Variants in BLNK observed in about 807,000 individuals in gnomAD.
The protein encoded by BLNK is B cell linker.
A neutral mutation model predicts 73.5 loss-of-function variants in BLNK; 29 were observed. That is an observed-to-expected ratio of 0.39 (90% CI 0.29 to 0.54). The LOEUF is 0.54. BLNK is among the 20% of genes least tolerant of loss of function. BLNK has a pLI of 0.61. For missense variants in BLNK, 460 were observed against 562.8 expected, an observed-to-expected ratio of 0.82 and a Z score of 1.85; for synonymous variants, 176 against 200.8, an observed-to-expected ratio of 0.88 and a Z score of 1.04.
chr10:96,202,993 C>A (rs1333206648), intron 13 of BLNK, among the ~76,000 whole-genome samples: 1 of 152,172 alleles, frequency 6.6e-6, no homozygotes, highest in Non-Finnish European at 1.5e-5. Context: ...CCTGCTGCTG[C>A]GCTGTATTTT....
In BLNK at chr10:96,215,328, T is replaced by C; in HGVS notation, c.669A>G (p.Thr223=). The C allele has an allele frequency of 1.2e-6, 2 of 1,614,094 alleles. No homozygotes were observed. The highest frequency in any genetic ancestry group is 8.5e-7 in the Non-Finnish European group (1 of 1,179,940). ...ATCACACATACACTTTACCTGAAGC[T>C]GTTCCTGGAGGAGAGGCGGGCGTTG... is the stretch of plus-strand genomic sequence containing the variant. ...NSSTPASPPG[T]ASGRNSGAWE... The change falls in exon 8 of 17, where the codon ACA becomes ACG. Residue 223 remains threonine, a synonymous_variant. Coordinates refer to ENST00000224337, the MANE Select transcript of BLNK (RefSeq NM_013314.4).
At chr10:96,238,960 T>C in intron 3 of BLNK, 1 of 395,136 alleles carries the variant, frequency 2.5e-6, no homozygotes, top group Non-Finnish European at 4.5e-6. Context: ...AAAATGTAAA[T>C]TCTGATCCAG....
intron 1 of BLNK, among the ~76,000 whole-genome samples, chr10:96,265,193 C>T (rs868960226): frequency 9.3e-5 from 14 of 150,500 alleles, no homozygotes; most frequent in African/African-American, 2.2e-4. Context: ...TATGTTGACC[C>T]GGCTGGTCTT....
chr10:96,217,855 C>A (rs2084104584), intron 6 of BLNK, among the ~76,000 whole-genome samples: 1 of 152,144 alleles, frequency 6.6e-6, no homozygotes, highest in Admixed American at 6.5e-5. Flanking sequence ...GATGTCATAT[C>A]CAAGAAACCA....
intron 3 of BLNK, among the ~76,000 whole-genome samples, chr10:96,231,879 C>T (rs1387505928): frequency 5.9e-5 from 9 of 152,204 alleles, no homozygotes; most frequent in Non-Finnish European, 1.2e-4. Flanking sequence ...TGCGCTGAGC[C>T]CCCACATGGT....
chr10:96,269,905 G>A (rs782483717), intron 1 of BLNK, among the ~76,000 whole-genome samples: 9 of 152,064 alleles, frequency 5.9e-5, no homozygotes, highest in Non-Finnish European at 1.3e-4. Flanking sequence ...CACATAACAT[G>A]TTTCCTCCAA....
rs114266299 is a variant in BLNK, at chr10:96,240,020, A to G, written c.163+2715T>C. On this transcript the variant is annotated intron_variant, in intron 3 of 16. Coordinates refer to ENST00000224337, the MANE Select transcript of BLNK (RefSeq NM_013314.4). Reference sequence around the variant, plus strand: ...TGCACATTTGTCCCCGAATCCTCAAATTAAATGTCACCTTCTCAGACAGAT... The same window carrying G: ...TGCACATTTGTCCCCGAATCCTCAAGTTAAATGTCACCTTCTCAGACAGAT... Among the ~76,000 whole-genome samples, 407 of 152,312 alleles carry G rather than the reference A, an allele frequency of 2.7e-3. 3 individuals are homozygous for G. The highest frequency in any genetic ancestry group is 9.2e-3 in the African/African-American group (383 of 41,556).
At chr10:96,262,179 C>T (rs1554913057) in intron 1 of BLNK, among the ~76,000 whole-genome samples, 1 of 152,152 alleles carries the variant, frequency 6.6e-6, no homozygotes, top group Admixed American at 6.5e-5. Context: ...AGTTGGTTAT[C>T]AGATAAATGA....
intron 1 of BLNK, among the ~76,000 whole-genome samples, chr10:96,258,617 A>C (rs1554911830): frequency 6.6e-6 from 1 of 152,106 alleles, no homozygotes; most frequent in Admixed American, 6.5e-5. Context: ...GGGTACCTCC[A>C]TGGCCAGAGG....
chr10:96,222,298 C>T (rs1438886829), intron 6 of BLNK, among the ~76,000 whole-genome samples: 1 of 152,112 alleles, frequency 6.6e-6, no homozygotes, highest in East Asian at 1.9e-4. Context: ...TGCTGGGCTG[C>T]AAATTTTATA....
At chr10:96,217,470 CTTG>C (rs2084094438) in intron 6 of BLNK, among the ~76,000 whole-genome samples, 1 of 152,202 alleles carries the variant, frequency 6.6e-6, no homozygotes, top group Non-Finnish European at 1.5e-5. Flanking sequence ...CTCACCAACA[CTTG>C]TTATCATCCT....
At chr10:96,192,253 G>T (rs2083345486) in intron 16 of BLNK, among the ~76,000 whole-genome samples, 161 bp from the exon 17 acceptor site, 1 of 152,178 alleles carries the variant, frequency 6.6e-6, no homozygotes, top group African/African-American at 2.4e-5. Flanking sequence ...TAACCTTCAA[G>T]GTGGCAGACC....
intron 6 of BLNK, among the ~76,000 whole-genome samples, 200 bp from the exon 7 acceptor site, chr10:96,216,934 T>C (rs2084081290): frequency 6.6e-6 from 1 of 152,192 alleles, no homozygotes; most frequent in Non-Finnish European, 1.5e-5. Context: ...TTTTAGGACA[T>C]TTTTATGCAA....
chr10:96,205,622 T>C (rs1554897263), intron 11 of BLNK, among the ~76,000 whole-genome samples: 1 of 152,228 alleles, frequency 6.6e-6, no homozygotes, highest in Non-Finnish European at 1.5e-5. Flanking sequence ...ACCTTAGGTC[T>C]TGCCAGCCTA....
Position 96,209,859 on chromosome 10 carries a change from G to C in BLNK, c.725C>G (p.Pro242Arg). 1 of 1,614,224 alleles carries C rather than the reference G, an allele frequency of 6.2e-7. No individual in the cohort carries two copies. The highest frequency in any genetic ancestry group is 8.5e-7 in the Non-Finnish European group (1 of 1,180,036). Residue 242 changes from proline to arginine, a missense_variant, in exon 9 of 17, where the codon CCA (proline) becomes CGA (arginine). By Grantham distance (103) the Pro-to-Arg change is moderately radical. Coordinates refer to ENST00000224337, the MANE Select transcript of BLNK (RefSeq NM_013314.4). ...TTACCCGGCCCGTGGCAACGGGGAT[G>C]GTGCAGCTGGTGGAGGTGACTTGGT... ...WETKSPPPAA[P>R]SPLPRAGKKP... is the part of the protein sequence containing the mutation.
chr10:96,240,730 G>T (rs905633306), intron 3 of BLNK, among the ~76,000 whole-genome samples: 7 of 152,288 alleles, frequency 4.6e-5, no homozygotes, highest in South Asian at 2.1e-4. Flanking sequence ...TGTGTGTGGA[G>T]GTGAATGGTG....
intron 7 of BLNK, 22 bp downstream of exon 7, chr10:96,216,631 G>A: frequency 6.2e-7 from 1 of 1,611,020 alleles, no homozygotes; most frequent in South Asian, 1.1e-5. Context: ...ATTTTCAGGT[G>A]CTTAAGGCGA....
At chr10:96,206,988 T>A (rs782531245) in intron 11 of BLNK, 23 bp downstream of exon 11, 1 of 1,609,768 alleles carries the variant, frequency 6.2e-7, no homozygotes, top group Non-Finnish European at 8.5e-7. Flanking sequence ...GACATGCTCA[T>A]CCTTCAAAAT....
chr10:96,189,997 T>C lies in BLNK; in HGVS notation c.*1976A>G. 2.4e-6 allele frequency: 2 copies of C among 820,468 alleles called. No homozygotes were observed. Among genetic ancestry groups the C allele is most frequent in the Non-Finnish European group, 2.1e-6 (1 of 470,812 alleles). 50.8% of individuals were successfully genotyped at this position (820,468 alleles called of 1,614,324 possible). On this transcript the variant is annotated 3_prime_UTR_variant, in exon 17 of 17. Transcript: ENST00000224337. Reference sequence around the variant, plus strand: ...GTACAGACATTTTCAAAGGTGCCAGTGTTATTTAATTGGACTGCCTTCATA... The same window carrying C: ...GTACAGACATTTTCAAAGGTGCCAGCGTTATTTAATTGGACTGCCTTCATA...
Sources: allele counts gnomAD v4.1 joint callset (sites outside exome capture counted in the v4.1 genomes callset), GRCh38; gene constraint gnomAD v4.1.1; transcripts MANE v1.5; gene names NCBI Gene and HGNC (gene_info 2026-07-23, HGNC 2026-07-21).